Variants in CYP4B1 observed in about 807,000 individuals in gnomAD.
CYP4B1 encodes cytochrome P450 family 4 subfamily B member 1, also known as cytochrome P450 4B1.
Under a neutral mutation model 54.0 loss-of-function variants are expected in CYP4B1, and 45 were observed. That is an observed-to-expected ratio of 0.83 (90% CI 0.66 to 1.07). The LOEUF (loss-of-function observed/expected upper bound fraction) is 1.07, where lower values mean the gene tolerates loss of function less well. Among genes scored for constraint, CYP4B1 ranks in the 50% least tolerant of loss-of-function variants. The pLI is 0.00. For synonymous variants in CYP4B1, 248 were observed against 247.5 expected (o/e 1.00, Z -0.02); for missense variants, 656 against 655.4 (o/e 1.00, Z -0.01).
chr1:46,800,817 C>T (rs1678626444), intron 1 of CYP4B1, among the ~76,000 whole-genome samples: 1 of 152,118 alleles, frequency 6.6e-6, no homozygotes, highest in African/African-American at 2.4e-5. Flanking sequence ...TGAAGACATC[C>T]AGGAAAGGAA....
Position 46,818,875 on chromosome 1 carries a change from C to A in CYP4B1, c.*61C>A, listed in dbSNP as rs1679447523. The A allele has an allele frequency of 6.4e-6, 10 of 1,567,668 alleles. No individual in the cohort carries two copies. The highest frequency in any genetic ancestry group is 1.4e-5 in the African/African-American group (1 of 73,926). Reference sequence around the variant, plus strand: ...GTGACCTCCCTGGGCACCACCCTCCCCAGGCTGGGTGTGGAGGAGTTGGGG... The same window carrying A: ...GTGACCTCCCTGGGCACCACCCTCCACAGGCTGGGTGTGGAGGAGTTGGGG... On this transcript the variant is annotated 3_prime_UTR_variant, in exon 12 of 12. Transcript: ENST00000371923.
intron 1 of CYP4B1, 72 bp downstream of exon 1, chr1:46,799,333 C>T (rs966764375): frequency 1.4e-6 from 2 of 1,412,648 alleles, no homozygotes; most frequent in Middle Eastern, 1.8e-4. Flanking sequence ...GGCCTAATTC[C>T]CAGGGGGCTG....
rs1272618374 is a variant in CYP4B1, at chr1:46,819,391, G to A, written c.*577G>A. The A allele has an allele frequency of 6.6e-6, 1 of 152,280 alleles. No individual in the cohort carries two copies. The highest frequency in any genetic ancestry group is 2.4e-5 in the African/African-American group (1 of 41,424). 9.4% of individuals were successfully genotyped at this position (152,280 alleles called of 1,614,324 possible). A position where few individuals can be genotyped will look rare whatever the true frequency, so the allele number is the denominator to read the frequency against. On this transcript the variant is annotated 3_prime_UTR_variant, in exon 12 of 12. Transcript: ENST00000371923. ...ACTGAAGTCAAGAAATATGGAATAT[G>A]GTATCACTGATGTGTCTTCTGCTCC...
intron 8 of CYP4B1, among the ~76,000 whole-genome samples, chr1:46,816,629 A>T (rs1679343506): frequency 7.5e-6 from 1 of 133,242 alleles, no homozygotes; most frequent in Non-Finnish European, 1.6e-5. Context: ...ATAATGCATC[A>T]ACTTTGGTTG....
chr1:46,809,031 A>T (rs1263252533), intron 1 of CYP4B1, among the ~76,000 whole-genome samples: 1 of 151,180 alleles, frequency 6.6e-6, no homozygotes, highest in Non-Finnish European at 1.5e-5. Flanking sequence ...ATGACGAGTT[A>T]GTGGGTGCAG....
intron 1 of CYP4B1, 30 bp from the exon 2 acceptor site, chr1:46,810,777 GA>G: frequency 1.2e-6 from 2 of 1,613,716 alleles, no homozygotes; most frequent in South Asian, 2.2e-5. Context: ...ATGTGTTCCT[GA>G]GTGACCTTGG....
chr1:46,812,255 T>G, intron 3 of CYP4B1: 9 of 651,172 alleles, frequency 1.4e-5, no homozygotes, highest in Non-Finnish European at 2.0e-5. Context: ...TGGGTGCAGC[T>G]GAGATACAGA....
intron 3 of CYP4B1, 124 bp from the exon 4 acceptor site, chr1:46,812,372 G>A (rs1679137856): frequency 1.8e-6 from 2 of 1,107,472 alleles, no homozygotes; most frequent in Non-Finnish European, 2.7e-6. Flanking sequence ...GGGCAATACT[G>A]GGTCGCTTAG....
intron 1 of CYP4B1, among the ~76,000 whole-genome samples, chr1:46,807,974 T>C (rs1678927233): frequency 6.6e-6 from 1 of 152,186 alleles, no homozygotes; most frequent in Admixed American, 6.5e-5. Flanking sequence ...TGAGACTGGG[T>C]AAAAGGTTTA....
intron 9 of CYP4B1, among the ~76,000 whole-genome samples, chr1:46,817,638 A>C (rs1679388846): frequency 6.6e-6 from 1 of 152,230 alleles, no homozygotes. Flanking sequence ...AATATTATGA[A>C]TAATAACTTC....
In CYP4B1 at chr1:46,810,941, G is replaced by C; in HGVS notation, c.314G>C (p.Ser105Thr). The change falls in exon 2 of 12, where the codon AGC (serine) becomes ACC (threonine). Residue 105 changes from serine to threonine, a missense_variant. Transcript: ENST00000371923. Reference protein sequence around the residue: ...YEPDYAKAVYSRGDPKAPDVY... With the variant: ...YEPDYAKAVYTRGDPKAPDVY... ...CCTGACTATGCCAAAGCTGTGTACA[G>C]CCGTGGGGGTGAGGAGAGAGGATGG... is the stretch of plus-strand genomic sequence containing the variant. 1 of 1,614,050 alleles carries C rather than the reference G, an allele frequency of 6.2e-7. No homozygotes were observed. Among genetic ancestry groups the C allele is most frequent in the Non-Finnish European group, 8.5e-7 (1 of 1,180,010 alleles).
In CYP4B1 at chr1:46,813,830, A is replaced by G. The variant is rs1679212852; in HGVS notation, c.621-79A>G. 1.9e-6 allele frequency: 3 copies of G among 1,550,960 alleles called. No homozygotes were observed. The East Asian group carries it at 6.8e-5, about 35-fold the overall frequency. ...AGCAGGATGCTCTGTGGTTGGGGCT[A>G]GATTCCTGGAATGGAGTTTCTCTGG... On this transcript the variant is annotated intron_variant, in intron 5 of 11. Coordinates refer to ENST00000371923, the MANE Select transcript of CYP4B1 (RefSeq NM_001099772.2).
chr1:46,811,319 C>T (rs1679093174), intron 3 of CYP4B1, 135 bp downstream of exon 3: 5 of 880,582 alleles, frequency 5.7e-6, no homozygotes, highest in African/African-American at 3.3e-5. Flanking sequence ...AGCTCAGCTG[C>T]TCAGTGGAGA....
At chr1:46,813,712 C>T (rs1679208473) in intron 5 of CYP4B1, 106 bp downstream of exon 5, 1 of 1,521,902 alleles carries the variant, frequency 6.6e-7, no homozygotes, top group Non-Finnish European at 8.9e-7. Context: ...GGGTCCTGCC[C>T]CAGGGAGCCT....
chr1:46,813,360 G>A lies in CYP4B1; in HGVS notation c.496-122G>A, dbSNP rs1327830612. 7.7e-6 allele frequency: 9 copies of A among 1,162,050 alleles called. No individual in the cohort carries two copies. In the South Asian group the frequency reaches 1.1e-4, roughly 14 times the overall value. 72.0% of individuals were successfully genotyped at this position (1,162,050 alleles called of 1,614,324 possible). A position where few individuals can be genotyped will look rare whatever the true frequency, so the allele number is the denominator to read the frequency against. On this transcript the variant is annotated intron_variant, in intron 4 of 11. Transcript: ENST00000371923. ...ATGGAGGGCAGGACAGGGACTGGGA[G>A]TGTGTGAAGGGGGCTTGGTGGTGGA...
At chr1:46,803,982 A>AT (rs45598435) in intron 1 of CYP4B1, among the ~76,000 whole-genome samples, 2,032 of 152,288 alleles carry the variant, frequency 0.013, 47 homozygotes, top group African/African-American at 0.045. Context: ...GGAGGGTGTC[A>AT]TGCAGAGAGT....
chr1:46,805,192 T>G (rs1678811089), intron 1 of CYP4B1, among the ~76,000 whole-genome samples: 1 of 152,204 alleles, frequency 6.6e-6, no homozygotes, highest in African/African-American at 2.4e-5. Flanking sequence ...TCTTGGGCAT[T>G]TCTTGGGTCC....
chr1:46,802,574 G>T (rs1160284799), intron 1 of CYP4B1, among the ~76,000 whole-genome samples: 2 of 152,202 alleles, frequency 1.3e-5, no homozygotes, highest in Non-Finnish European at 2.9e-5. Flanking sequence ...TGGGGCATTT[G>T]CTTTCTTCAT....
intron 3 of CYP4B1, 23 bp from the exon 4 acceptor site, chr1:46,812,473 T>C (rs1226848327): frequency 6.3e-7 from 1 of 1,579,590 alleles, no homozygotes; most frequent in Non-Finnish European, 8.6e-7. Flanking sequence ...TGACCAGCCC[T>C]CTCTCTCCCA....
Sources: gnomAD v4.1 joint callset for allele counts (sites outside exome capture counted in the v4.1 genomes callset) on GRCh38, gnomAD v4.1.1 for gene constraint, MANE v1.5 for transcripts, NCBI Gene and HGNC (gene_info 2026-07-23, HGNC 2026-07-21) for gene names.